SPAG16: variants seen among roughly 807,000 people sequenced by gnomAD.
The protein encoded by SPAG16 is sperm associated antigen 16.
SPAG16 carries 86 observed loss-of-function variants against 80.4 expected under a neutral mutation model. The ratio of observed to expected loss-of-function variants is 1.07; its 90% confidence interval spans 0.90 to 1.28. SPAG16 has a LOEUF of 1.28. Among genes scored for constraint, SPAG16 ranks in the 50% most tolerant of loss-of-function variants. The pLI is 0.00. For synonymous variants in SPAG16, 294 were observed against 265.9 expected (o/e 1.11, Z -1.03); for missense variants, 870 against 765.3 (o/e 1.14, Z -1.61).
intron 10 of SPAG16, among the ~76,000 whole-genome samples, chr2:213,672,154 G>C (rs967401847): frequency 6.6e-6 from 1 of 151,672 alleles, no homozygotes; most frequent in Non-Finnish European, 1.5e-5. Context: ...TTCATTTCCT[G>C]AATCTACTGA....
At chr2:214,281,007 A>G (rs1420593241) in intron 15 of SPAG16, 1 of 412,764 alleles carries the variant, frequency 2.4e-6, no homozygotes, top group Non-Finnish European at 4.7e-6. Context: ...TAAGGGATAG[A>G]CAAACCTCCA....
intron 15 of SPAG16, among the ~76,000 whole-genome samples, chr2:214,388,955 C>T (rs1329734127): frequency 6.6e-6 from 1 of 152,112 alleles, no homozygotes; most frequent in Non-Finnish European, 1.5e-5. Flanking sequence ...GAAGCGAGAA[C>T]GTAAAAGCTC....
chr2:214,054,871 A>C (rs2049852771), intron 13 of SPAG16, among the ~76,000 whole-genome samples: 1 of 152,202 alleles, frequency 6.6e-6, no homozygotes, highest in Non-Finnish European at 1.5e-5. Context: ...GACAATTAGC[A>C]GTATTCTATT....
At position 213,468,046 on chromosome 2, in the gene SPAG16, A is replaced by G. The variant is rs531660564; in HGVS notation, c.943-21917A>G. On this transcript the variant is annotated intron_variant, in intron 9 of 15. Transcript: ENST00000331683. ...CTTTCAGGAGGTTCTCTAAAGTGCT[A>G]TCTTGTCCCATGGCCTGCTTCTGCA... 3.3e-5 allele frequency among the ~76,000 whole-genome samples: 5 copies of G among 152,252 alleles called. No individual in the cohort carries two copies. In the East Asian group the frequency reaches 5.8e-4, roughly 18 times the overall value.
rs540775792 is a variant in SPAG16, at chr2:213,804,227, A to C, written c.1071-58258A>C. On this transcript the variant is annotated intron_variant, in intron 10 of 15. Coordinates refer to ENST00000331683, the MANE Select transcript of SPAG16 (RefSeq NM_024532.5). Reference sequence around the variant, plus strand: ...GACATAGTCAAGTAATTACACAAACAAAAGAAGCCGAATGAGTGGAAGGAA... The same window carrying C: ...GACATAGTCAAGTAATTACACAAACCAAAGAAGCCGAATGAGTGGAAGGAA... Among the ~76,000 whole-genome samples, 270 of 152,338 alleles carry C rather than the reference A, an allele frequency of 1.8e-3. 1 individual carries two copies. The highest frequency in any genetic ancestry group is 6.3e-3 in the African/African-American group (260 of 41,586).
At chr2:213,768,056 C>T (rs902533787) in intron 10 of SPAG16, among the ~76,000 whole-genome samples, 5 of 151,810 alleles carry the variant, frequency 3.3e-5, no homozygotes, top group African/African-American at 9.7e-5. Context: ...AAGATCTTAT[C>T]CCCAAATTAT....
intron 3 of SPAG16, among the ~76,000 whole-genome samples, chr2:213,303,672 T>C (rs1416548125): frequency 6.6e-6 from 1 of 152,088 alleles, no homozygotes; most frequent in Non-Finnish European, 1.5e-5. Context: ...TACATAATGA[T>C]GTCCAGGCCC....
chr2:214,328,383 G>A (rs1016825185), intron 15 of SPAG16, among the ~76,000 whole-genome samples: 3 of 152,078 alleles, frequency 2.0e-5, no homozygotes, highest in East Asian at 1.9e-4. Flanking sequence ...GGTCGGTCTC[G>A]AACTTCTGAC....
chr2:213,468,592 GAT>G (rs1214352874), intron 9 of SPAG16, among the ~76,000 whole-genome samples: 25 of 129,966 alleles, frequency 1.9e-4, no homozygotes, highest in Admixed American at 1.2e-3. Flanking sequence ...TATATATAGA[GAT>G]ATATATATCT....
chr2:214,340,560 T>C (rs1697604550), intron 15 of SPAG16, among the ~76,000 whole-genome samples: 1 of 152,220 alleles, frequency 6.6e-6, no homozygotes, highest in South Asian at 2.1e-4. Context: ...CAGAGCATGA[T>C]GGGCCGTGGG....
At chr2:213,908,579 A>T (rs965482111) in intron 11 of SPAG16, among the ~76,000 whole-genome samples, 2 of 152,034 alleles carry the variant, frequency 1.3e-5, no homozygotes, top group African/African-American at 4.8e-5. Context: ...CTCTCATTCG[A>T]CGAGAATTCA....
At chr2:214,356,028 G>T (rs1320332537) in intron 15 of SPAG16, among the ~76,000 whole-genome samples, 9 of 117,640 alleles carry the variant, frequency 7.7e-5, no homozygotes, top group African/African-American at 2.9e-4. Context: ...GTTGTGGGGT[G>T]GGGGGAGGGG....
chr2:214,206,767 A>T (rs1207698908), intron 15 of SPAG16, among the ~76,000 whole-genome samples: 1 of 152,146 alleles, frequency 6.6e-6, no homozygotes, highest in Non-Finnish European at 1.5e-5. Flanking sequence ...ATTTCTCTGC[A>T]TTCTCATCAG....
At chr2:214,291,858 A>G (rs1693829294) in intron 15 of SPAG16, among the ~76,000 whole-genome samples, 1 of 152,046 alleles carries the variant, frequency 6.6e-6, no homozygotes, top group Non-Finnish European at 1.5e-5. Flanking sequence ...AGTAAGTTTT[A>G]TACTTTCATG....
At chr2:214,319,693 A>T (rs77819355) in intron 15 of SPAG16, among the ~76,000 whole-genome samples, 2,939 of 152,238 alleles carry the variant, frequency 0.019, 47 homozygotes, top group Non-Finnish European at 0.029. Context: ...TTGAAGAAAA[A>T]GATGGCATTC....
chr2:213,736,965 C>T (rs945444182), intron 10 of SPAG16, among the ~76,000 whole-genome samples: 13 of 152,182 alleles, frequency 8.5e-5, no homozygotes, highest in African/African-American at 2.9e-4. Flanking sequence ...CTCGGCCCCC[C>T]AAAGTGATGG....
chr2:213,679,839 A>G (rs534522634), intron 10 of SPAG16, among the ~76,000 whole-genome samples: 1 of 152,310 alleles, frequency 6.6e-6, no homozygotes, highest in African/African-American at 2.4e-5. Context: ...AGACTAGATG[A>G]GAGGGCTATC....
chr2:213,998,407 T>C (rs1391898294), intron 12 of SPAG16, among the ~76,000 whole-genome samples: 1 of 152,202 alleles, frequency 6.6e-6, no homozygotes, highest in African/African-American at 2.4e-5. Flanking sequence ...TTTTCCACTT[T>C]TACATCTTCC....
At chr2:213,374,460 A>G (rs1206588425) in intron 8 of SPAG16, among the ~76,000 whole-genome samples, 1 of 152,076 alleles carries the variant, frequency 6.6e-6, no homozygotes, top group African/African-American at 2.4e-5. Flanking sequence ...AATGTGAGAG[A>G]CTTTTTCTGT....
Sources: allele counts gnomAD v4.1 joint callset (sites outside exome capture counted in the v4.1 genomes callset), GRCh38; gene constraint gnomAD v4.1.1; transcripts MANE v1.5; gene names NCBI Gene and HGNC (gene_info 2026-07-23, HGNC 2026-07-21).